Variants in ADAMTS9 observed in about 807,000 individuals in gnomAD.
ADAMTS9 encodes A disintegrin and metalloproteinase with thrombospondin motifs 9.
A neutral mutation model predicts 257.1 loss-of-function variants in ADAMTS9; 107 were observed. The observed-to-expected ratio is 0.42, with a 90% CI of 0.36 to 0.49. The LOEUF is 0.49. ADAMTS9 is among the 20% of genes least tolerant of loss of function. The pLI, the probability that ADAMTS9 is intolerant of heterozygous loss-of-function variation, is 0.03. For synonymous variants in ADAMTS9, 982 were observed against 880.9 expected (o/e 1.11, Z -2.03); for missense variants, 2,353 against 2,469.1 (o/e 0.95, Z 1.00).
chr3:64,656,356 C>T (rs945470328), intron 4 of ADAMTS9, among the ~76,000 whole-genome samples: 5 of 152,112 alleles, frequency 3.3e-5, no homozygotes, highest in African/African-American at 9.7e-5. Flanking sequence ...TTACTAAATG[C>T]TTATTGTGAG....
chr3:64,637,021 A>G (rs1167916669), intron 12 of ADAMTS9, among the ~76,000 whole-genome samples: 1 of 152,160 alleles, frequency 6.6e-6, no homozygotes, highest in Non-Finnish European at 1.5e-5. Flanking sequence ...GTCTCCCTTG[A>G]GACAGGCCTC....
chr3:64,553,660 G>A (rs1289547622), intron 30 of ADAMTS9, among the ~76,000 whole-genome samples: 1 of 152,068 alleles, frequency 6.6e-6, no homozygotes, highest in Non-Finnish European at 1.5e-5. Context: ...TTTCCTGGTA[G>A]CCCCTTGTCA....
intron 3 of ADAMTS9, among the ~76,000 whole-genome samples, chr3:64,674,231 T>C (rs963525406): frequency 1.3e-5 from 2 of 152,184 alleles, no homozygotes; most frequent in African/African-American, 4.8e-5. Flanking sequence ...ATTGCTTATA[T>C]TGACTGTTTA....
At chr3:64,665,968 T>C (rs1701345916) in intron 3 of ADAMTS9, among the ~76,000 whole-genome samples, 1 of 152,182 alleles carries the variant, frequency 6.6e-6, no homozygotes, top group Admixed American at 6.5e-5. Flanking sequence ...TCGTGGAACA[T>C]CGATTTTGTG....
intron 3 of ADAMTS9, among the ~76,000 whole-genome samples, chr3:64,665,833 G>A (rs991271260): frequency 2.6e-5 from 4 of 152,168 alleles, no homozygotes; most frequent in African/African-American, 9.7e-5. Flanking sequence ...CTGGGCCTCA[G>A]TTTCCTGACC....
chr3:64,592,208 C>G (rs1309267787), intron 28 of ADAMTS9, among the ~76,000 whole-genome samples: 1 of 152,156 alleles, frequency 6.6e-6, no homozygotes, highest in Admixed American at 6.6e-5. Flanking sequence ...AGTGGCCTTG[C>G]TCTTAGACTG....
rs1368335895 is a variant in ADAMTS9 at position 64,651,736 on chromosome 3, G to C, written c.1317-573C>G. Among the ~76,000 whole-genome samples the C allele has an allele frequency of 2.0e-5, 3 of 152,082 alleles. No individual in the cohort carries two copies. In the East Asian group the frequency reaches 5.8e-4, roughly 29 times the overall value. ...CACAATAAAACCCATGAAAGGTAGT[G>C]GTATGCATGGAAACCAGAAGCATGC... On this transcript the variant is annotated intron_variant, in intron 8 of 39. Coordinates refer to ENST00000498707, the MANE Select transcript of ADAMTS9 (RefSeq NM_182920.2).
chr3:64,671,780 T>A (rs1038906879), intron 3 of ADAMTS9, among the ~76,000 whole-genome samples: 60 of 152,222 alleles, frequency 3.9e-4, no homozygotes, highest in Non-Finnish European at 7.9e-4. Flanking sequence ...GATTATTTAT[T>A]AATGATTTTC....
chr3:64,562,110 G>C (rs1309225857), intron 29 of ADAMTS9, among the ~76,000 whole-genome samples: 1 of 152,164 alleles, frequency 6.6e-6, no homozygotes, highest in African/African-American at 2.4e-5. Flanking sequence ...TTCTATCCTG[G>C]AGGATTTGAG....
intron 9 of ADAMTS9, chr3:64,650,749 C>T (rs1408542631): frequency 2.8e-6 from 1 of 363,094 alleles, no homozygotes; most frequent in Non-Finnish European, 4.9e-6. Flanking sequence ...AATCTCAAAA[C>T]TTTACCCAAA....
intron 2 of ADAMTS9, among the ~76,000 whole-genome samples, chr3:64,683,002 C>T (rs1398984656): frequency 6.6e-6 from 1 of 152,206 alleles, no homozygotes; most frequent in African/African-American, 2.4e-5. Context: ...AAGCTCTCCA[C>T]ATGATTCATG....
chr3:64,535,668 C>G (rs2083040871), intron 37 of ADAMTS9, among the ~76,000 whole-genome samples: 1 of 150,936 alleles, frequency 6.6e-6, no homozygotes, highest in Admixed American at 6.6e-5. Flanking sequence ...ATTCTCCTAC[C>G]TCAGCCTTCT....
At chr3:64,683,833 C>T (rs895342441) in intron 2 of ADAMTS9, among the ~76,000 whole-genome samples, 1 of 152,012 alleles carries the variant, frequency 6.6e-6, no homozygotes, top group African/African-American at 2.4e-5. Flanking sequence ...AAGGATAGAA[C>T]ATGTGTACCA....
chr3:64,577,426 A>G (rs888805327), intron 28 of ADAMTS9, among the ~76,000 whole-genome samples: 1 of 152,204 alleles, frequency 6.6e-6, no homozygotes, highest in Admixed American at 6.5e-5. Flanking sequence ...GAAAGAGGCG[A>G]AGATAATACA....
Position 64,644,251 on chromosome 3 carries a change from C to T in ADAMTS9, c.1711-2258G>A, listed in dbSNP as rs558616819. Among the ~76,000 whole-genome samples, 19 of 152,242 alleles carry T rather than the reference C, an allele frequency of 1.2e-4. No homozygotes were observed. The South Asian group carries it at 3.7e-3, about 30-fold the overall frequency. The stretch of plus-strand genomic sequence containing the variant: ...TACGAAGTAGGTACTATTATTACTT[C>T]CATTTTTACGAAAAGAAAATGAAGG... On this transcript the variant is annotated intron_variant, in intron 11 of 39. Coordinates refer to ENST00000498707, the MANE Select transcript of ADAMTS9 (RefSeq NM_182920.2).
intron 29 of ADAMTS9, chr3:64,563,071 G>C (rs1032948618): frequency 6.6e-6 from 1 of 152,146 alleles, no homozygotes; most frequent in Non-Finnish European, 1.5e-5. Flanking sequence ...TGTATTAATT[G>C]GATTGAATGA....
chr3:64,677,036 G>C (rs1701638849), intron 3 of ADAMTS9, among the ~76,000 whole-genome samples: 1 of 152,168 alleles, frequency 6.6e-6, no homozygotes, highest in African/African-American at 2.4e-5. Context: ...CCGTGAAACA[G>C]AACTTGGGAT....
At chr3:64,649,826 A>G in intron 9 of ADAMTS9, 48 bp from the exon 10 acceptor site, 1 of 1,578,030 alleles carries the variant, frequency 6.3e-7, no homozygotes, top group Non-Finnish European at 8.6e-7. Context: ...GGTGGCTGTC[A>G]AGGTCTCCCC....
At chr3:64,625,174 T>G (rs1700197035) in intron 16 of ADAMTS9, among the ~76,000 whole-genome samples, 1 of 152,186 alleles carries the variant, frequency 6.6e-6, no homozygotes, top group African/African-American at 2.4e-5. Flanking sequence ...AATCAATTGG[T>G]AACAGCCGCC....
Sources: gnomAD v4.1 joint callset for allele counts (sites outside exome capture counted in the v4.1 genomes callset) on GRCh38, gnomAD v4.1.1 for gene constraint, MANE v1.5 for transcripts, NCBI Gene and HGNC (gene_info 2026-07-23, HGNC 2026-07-21) for gene names.